The following ZNF227 variants were observed in gnomAD, a reference collection of about 807,000 sequenced individuals.
ZNF227 encodes the protein zinc finger protein 227.
ZNF227 carries 12 observed loss-of-function variants against 13.2 expected under a neutral mutation model. The observed-to-expected ratio is 0.91, with a 90% CI of 0.58 to 1.47. ZNF227 has a LOEUF of 1.47. Among genes scored for constraint, ZNF227 ranks in the 40% most tolerant of loss-of-function variants. ZNF227 has a pLI of 0.00. For synonymous variants in ZNF227, 338 were observed against 326.0 expected, an observed-to-expected ratio of 1.04 and a Z score of -0.40; for missense variants, 885 against 967.5, an observed-to-expected ratio of 0.91 and a Z score of 1.13.
upstream of ZNF227, among the ~76,000 whole-genome samples, chr19:44,211,468 C>T (rs1217059154): frequency 1.3e-5 from 2 of 152,154 alleles, no homozygotes; most frequent in Admixed American, 6.5e-5. Flanking sequence ...AACATCAATT[C>T]CATTATACAT....
rs1260555671 is a variant in ZNF227, at chr19:44,235,647, A to C, written c.1217A>C (p.Lys406Thr). The C allele has an allele frequency of 6.2e-7, 1 of 1,614,120 alleles. No homozygotes were observed. Among genetic ancestry groups the C allele is most frequent in the South Asian group, 1.1e-5 (1 of 91,078 alleles). ...RVHQRVHRGE[K>T]PYKCEECGKG... ...CACCAGAGGGTCCACAGGGGTGAGA[A>C]GCCCTATAAATGTGAGGAATGTGGT... Residue 406 changes from lysine to threonine, a missense_variant, in exon 6 of 6, where the codon AAG becomes ACG. Transcript: ENST00000313040.
rs752302203 is a variant in ZNF227 at position 44,235,177 on chromosome 19, C to T, written c.747C>T (p.Pro249=). Residue 249 remains proline (P), a synonymous_variant, in exon 6 of 6, where the codon CCC becomes CCT. Coordinates refer to ENST00000313040, the MANE Select transcript of ZNF227 (RefSeq NM_182490.3). ...AGAAATTACCCTTAGGAGAGAAACC[C>T]CATCCATGTGGTGAGTGTGGAAGGG... ...SNQKLPLGEK[P]HPCGECGRGF... 1 of 1,613,960 alleles carries T rather than the reference C, an allele frequency of 6.2e-7. No individual in the cohort carries two copies. The highest frequency in any genetic ancestry group is 1.7e-5 in the Admixed American group (1 of 59,988).
Position 44,236,761 on chromosome 19 carries a change from T to TGA in ZNF227, c.2332_2333dup (p.Asp778GlufsTer43). 6.2e-7 allele frequency: 1 copy of TGA among 1,613,166 alleles called. No individual in the cohort carries two copies. The highest frequency in any genetic ancestry group is 8.5e-7 in the Non-Finnish European group (1 of 1,179,566). ...AAAAACCATACAAATGTGACATATG[T>TGA]GATAAGGACTTCCGTCACCGTTCAC... is the stretch of plus-strand genomic sequence containing the variant. On this transcript the variant is annotated frameshift_variant, in exon 6 of 6. Transcript: ENST00000313040. LOFTEE classifies it high-confidence loss of function.
chr19:44,221,016 A>G (rs1001977982), intron 3 of ZNF227, among the ~76,000 whole-genome samples: 1 of 151,402 alleles, frequency 6.6e-6, no homozygotes, highest in East Asian at 1.9e-4. Flanking sequence ...ATAGTATTCC[A>G]TGGTGTATAT....
chr19:44,226,953 G>A lies in ZNF227; in HGVS notation c.61-1493G>A, dbSNP rs952342520. ...AAAACTTTTAAAGTAAATATTCTATGACTTTGCAGTTGCTACTTCTTGGCC... is the reference window on the plus strand; with the variant it reads ...AAAACTTTTAAAGTAAATATTCTATAACTTTGCAGTTGCTACTTCTTGGCC... On this transcript the variant is annotated intron_variant, in intron 3 of 5. Coordinates refer to ENST00000313040, the MANE Select transcript of ZNF227 (RefSeq NM_182490.3). Among the ~76,000 whole-genome samples, 5 of 152,150 alleles carry A rather than the reference G, an allele frequency of 3.3e-5. No individual in the cohort carries two copies. The South Asian group carries it at 8.3e-4, about 25-fold the overall frequency.
chr19:44,227,112 C>A (rs1192370917), intron 3 of ZNF227: 1 of 152,108 alleles, frequency 6.6e-6, no homozygotes, highest in Non-Finnish European at 1.5e-5. Context: ...CAAAATAGGA[C>A]AAAAGAGATG....
At chr19:44,234,194 C>A (rs1974166001) in intron 5 of ZNF227, among the ~76,000 whole-genome samples, 1 of 152,174 alleles carries the variant, frequency 6.6e-6, no homozygotes, top group Admixed American at 6.5e-5. Context: ...TGGATTTCTA[C>A]CAGGTTTTAG....
intron 5 of ZNF227, among the ~76,000 whole-genome samples, chr19:44,233,556 T>C (rs1974080901): frequency 6.6e-6 from 1 of 151,932 alleles, no homozygotes; most frequent in Admixed American, 6.6e-5. Flanking sequence ...AAATAATAAG[T>C]ACTGTGGGGA....
chr19:44,207,744 C>T (rs1971243624), upstream of ZNF227: 2 of 152,458 alleles, frequency 1.3e-5, no homozygotes, highest in South Asian at 4.1e-4. Context: ...CTGAGCCTCA[C>T]GTTTGGAGCA....
At chr19:44,221,823 A>G (rs2122749508) in intron 3 of ZNF227, among the ~76,000 whole-genome samples, 1 of 152,306 alleles carries the variant, frequency 6.6e-6, no homozygotes, top group South Asian at 2.1e-4. Context: ...TGTTTTAGAC[A>G]TGAAGTCCTT....
chr19:44,227,419 T>C (rs2122835942), intron 3 of ZNF227: 1 of 152,308 alleles, frequency 6.6e-6, no homozygotes, highest in Non-Finnish European at 1.5e-5. Flanking sequence ...CTAATTTTTT[T>C]GTATTTTTAG....
intron 3 of ZNF227, among the ~76,000 whole-genome samples, chr19:44,221,871 T>C (rs938033795): frequency 3.3e-5 from 5 of 152,228 alleles, no homozygotes; most frequent in Non-Finnish European, 7.3e-5. Context: ...GCCTAGGTTT[T>C]CTTCTAGGGT....
At chr19:44,234,336 T>G (rs1233628313) in intron 5 of ZNF227, among the ~76,000 whole-genome samples, 1 of 152,230 alleles carries the variant, frequency 6.6e-6, no homozygotes, top group Admixed American at 6.5e-5. Context: ...CCGCTTGTCA[T>G]AAGCCTACTG....
chr19:44,225,137 G>C (rs1212286687), intron 3 of ZNF227, among the ~76,000 whole-genome samples: 1 of 151,538 alleles, frequency 6.6e-6, no homozygotes, highest in Non-Finnish European at 1.5e-5. Context: ...CGAGAGATCC[G>C]CTGTTAGTCT....
upstream of ZNF227, among the ~76,000 whole-genome samples, chr19:44,208,458 T>C (rs927350831): frequency 6.6e-6 from 1 of 152,200 alleles, no homozygotes. Context: ...GATGTTTATA[T>C]TCAAAAGGGA....
chr19:44,228,836 CAG>C (rs1599826648), intron 4 of ZNF227: 2 of 442,014 alleles, frequency 4.5e-6, no homozygotes, highest in Admixed American at 4.1e-5. Context: ...TCACACCTGA[CAG>C]AGGGGTGCTA....
chr19:44,218,241 A>G (rs903423972), intron 3 of ZNF227, among the ~76,000 whole-genome samples: 3 of 152,224 alleles, frequency 2.0e-5, no homozygotes, highest in Non-Finnish European at 4.4e-5. Flanking sequence ...AGTGCCCTTA[A>G]AAGACAACAA....
intron 5 of ZNF227, among the ~76,000 whole-genome samples, chr19:44,232,480 C>T (rs1973938859): frequency 6.6e-6 from 1 of 152,050 alleles, no homozygotes; most frequent in South Asian, 2.1e-4. Flanking sequence ...GCTGGACTTA[C>T]AGTTTTATTA....
chr19:44,222,007 TA>T (rs1233249710), intron 3 of ZNF227, among the ~76,000 whole-genome samples: 3 of 152,234 alleles, frequency 2.0e-5, no homozygotes, highest in African/African-American at 7.2e-5. Flanking sequence ...CAGCATCATT[TA>T]TTAAATAGGG....
Sources: gnomAD v4.1 joint callset for allele counts (sites outside exome capture counted in the v4.1 genomes callset) on GRCh38, gnomAD v4.1.1 for gene constraint, MANE v1.5 for transcripts, NCBI Gene and HGNC (gene_info 2026-07-23, HGNC 2026-07-21) for gene names.